GNAL: variants seen among roughly 807,000 people sequenced by gnomAD.
GNAL encodes guanine nucleotide-binding protein G(olf) subunit alpha.
Under a neutral mutation model 55.1 loss-of-function variants are expected in GNAL, and 18 were observed. The observed-to-expected ratio is 0.33, with a 90% CI of 0.23 to 0.48. GNAL has a LOEUF of 0.48. Ranked by LOEUF, GNAL falls within the 20% of genes least tolerant of loss-of-function variation. The probability of loss-of-function intolerance (pLI) is 0.99; values close to 1 mark genes in which losing one functional copy is unlikely to be tolerated. For synonymous variants in GNAL, 253 were observed against 237.0 expected (o/e 1.07, Z -0.62); for missense variants, 412 against 614.1 (o/e 0.67, Z 3.48).
At position 11,751,397 on chromosome 18, in the gene GNAL, G is replaced by GCACT. The variant is rs1185438457; in HGVS notation, c.377-1455_377-1452dup. 4.2e-6 allele frequency: 2 copies of GCACT among 473,632 alleles called. No individual in the cohort carries two copies. The highest frequency in any genetic ancestry group is 5.5e-6 in the Non-Finnish European group (2 of 361,908). The allele number at this position is 473,632 out of a possible 1,614,324, so 29.3% of individuals were successfully genotyped here. A position where few individuals can be genotyped will look rare whatever the true frequency, so the allele number is the denominator to read the frequency against. On this transcript the variant is annotated intron_variant, in intron 1 of 11. Transcript: ENST00000334049. The surrounding 1 kb of genome is among the most constrained non-coding windows in gnomAD (Gnocchi z 4.5). ...GGAAGAGTTGTTGTGCTGCTTGGGA[G>GCACT]CACTGCACAGGAGAAACGGGGGCTG...
chr18:11,749,980 T>A (rs1200537386), intron 1 of GNAL, among the ~76,000 whole-genome samples: 1 of 152,140 alleles, frequency 6.6e-6, no homozygotes, highest in Non-Finnish European at 1.5e-5. Context: ...GGATTTGTAT[T>A]ATCGCAGTGG....
rs1445588350 is a variant in GNAL at position 11,884,320 on chromosome 18, T to C, written c.*3185T>C. ...ATTTTGCAGTTACTCATTTCAGTGATTGAGAATTTCTGTGCTGTGCAGAGA... is the reference window on the plus strand; with the variant it reads ...ATTTTGCAGTTACTCATTTCAGTGACTGAGAATTTCTGTGCTGTGCAGAGA... On this transcript the variant is annotated 3_prime_UTR_variant, in exon 12 of 12. Transcript: ENST00000334049. 9.0e-6 allele frequency: 8 copies of C among 885,468 alleles called. No homozygotes were observed. In the African/African-American group the frequency reaches 1.2e-4, roughly 13 times the overall value. 54.9% of individuals were successfully genotyped at this position (885,468 alleles called of 1,614,324 possible).
At chr18:11,726,631 G>T (rs897324012) in intron 1 of GNAL, among the ~76,000 whole-genome samples, 2 of 152,078 alleles carry the variant, frequency 1.3e-5, no homozygotes, top group South Asian at 4.2e-4. Flanking sequence ...CTGGACGGTG[G>T]GTCCTTCTTT....
intron 4 of GNAL, among the ~76,000 whole-genome samples, chr18:11,794,188 T>C (rs1029903144): frequency 7.9e-5 from 12 of 152,212 alleles, no homozygotes; most frequent in African/African-American, 2.9e-4. Flanking sequence ...GAAAACAGTT[T>C]GGTTGTTTCT....
At chr18:11,790,407 T>C (rs1037446686) in intron 4 of GNAL, among the ~76,000 whole-genome samples, 2 of 152,174 alleles carry the variant, frequency 1.3e-5, no homozygotes, top group African/African-American at 2.4e-5. Context: ...CAATGTGTCC[T>C]TGGGGATGTG....
At chr18:11,698,880 G>GTGTC (rs1247247776) in intron 1 of GNAL, among the ~76,000 whole-genome samples, 1 of 152,172 alleles carries the variant, frequency 6.6e-6, no homozygotes, top group Non-Finnish European at 1.5e-5. Flanking sequence ...TCAGACTAAT[G>GTGTC]TGTCATTTAG....
intron 1 of GNAL, among the ~76,000 whole-genome samples, chr18:11,696,346 C>CA (rs11288353): frequency 1.1e-4 from 17 of 150,878 alleles, no homozygotes; most frequent in Admixed American, 5.3e-4. Flanking sequence ...ACTAAAAATA[C>CA]AAAAAAAAAT....
chr18:11,724,009 T>C (rs75177375), intron 1 of GNAL, among the ~76,000 whole-genome samples: 3,191 of 152,332 alleles, frequency 0.021, 61 homozygotes, highest in Middle Eastern at 0.048. Flanking sequence ...GAGCCTATTA[T>C]AGTCATTTCC....
At chr18:11,787,435 A>G (rs2034090410) in intron 4 of GNAL, among the ~76,000 whole-genome samples, 1 of 152,246 alleles carries the variant, frequency 6.6e-6, no homozygotes, top group Non-Finnish European at 1.5e-5. Context: ...CATTTACAGT[A>G]CTATCATAAT....
Position 11,752,839 on chromosome 18 carries a change from C to G in GNAL, c.377-14C>G. Reference sequence around the variant, plus strand: ...CCGGACACAGATCACAGCGTTCTTTCTGTTTGTTTGCAGGGGCTGGTGAGT... The same window carrying G: ...CCGGACACAGATCACAGCGTTCTTTGTGTTTGTTTGCAGGGGCTGGTGAGT... On this transcript the variant is annotated splice_polypyrimidine_tract_variant and intron_variant, in intron 1 of 11. Coordinates refer to ENST00000334049, the MANE Select transcript of GNAL (RefSeq NM_182978.4). This position sits in a 1 kb window ranked among gnomAD's most constrained non-coding sequence, Gnocchi z 4.5. 1 of 1,586,806 alleles carries G rather than the reference C, an allele frequency of 6.3e-7. No individual in the cohort carries two copies. The highest frequency in any genetic ancestry group is 8.7e-7 in the Non-Finnish European group (1 of 1,155,416).
intron 5 of GNAL, among the ~76,000 whole-genome samples, chr18:11,831,769 C>T (rs982255003): frequency 2.6e-5 from 4 of 152,236 alleles, no homozygotes; most frequent in African/African-American, 7.2e-5. Context: ...AGCCTTGTCC[C>T]GTCAAACAGG....
At position 11,824,914 on chromosome 18, in the gene GNAL, T is replaced by G. The variant is rs776380620; in HGVS notation, c.625-4T>G. The G allele has an allele frequency of 1.3e-6, 2 of 1,515,868 alleles. No homozygotes were observed. Among genetic ancestry groups the G allele is most frequent in the East Asian group, 2.3e-5 (1 of 44,378 alleles). 93.9% of individuals were successfully genotyped at this position (1,515,868 alleles called of 1,614,324 possible). A position where few individuals can be genotyped will look rare whatever the true frequency, so the allele number is the denominator to read the frequency against. The stretch of plus-strand genomic sequence containing the variant: ...TTTTAATTTGTAACTCTTTCAAACT[T>G]TAGGAATTCTTTGACCATGTGAAAA... On this transcript the variant is annotated splice_polypyrimidine_tract_variant and splice_region_variant and intron_variant, in intron 4 of 11. Coordinates refer to ENST00000334049, the MANE Select transcript of GNAL (RefSeq NM_182978.4).
At chr18:11,876,175 G>C (rs977739131) in intron 10 of GNAL, among the ~76,000 whole-genome samples, 1 of 152,204 alleles carries the variant, frequency 6.6e-6, no homozygotes, top group Non-Finnish European at 1.5e-5. Flanking sequence ...TAGGAGAAGA[G>C]GGCAATGAAA....
At chr18:11,710,968 C>T (rs755694677) in intron 1 of GNAL, among the ~76,000 whole-genome samples, 17 of 151,330 alleles carry the variant, frequency 1.1e-4, no homozygotes, top group Non-Finnish European at 1.9e-4. Flanking sequence ...CCCCACCTCC[C>T]GGGTTCACAC....
intron 1 of GNAL, among the ~76,000 whole-genome samples, chr18:11,692,999 A>T (rs999010925): frequency 2.0e-5 from 3 of 152,100 alleles, no homozygotes; most frequent in African/African-American, 7.2e-5. Flanking sequence ...AAATGCATCA[A>T]ATTAAAATAA....
intron 5 of GNAL, among the ~76,000 whole-genome samples, chr18:11,834,494 A>G (rs933842416): frequency 1.3e-5 from 2 of 151,974 alleles, no homozygotes; most frequent in Non-Finnish European, 2.9e-5. Flanking sequence ...CCAAGGTGGG[A>G]GGATTGCTTG....
chr18:11,800,947 A>C (rs2034506296), intron 4 of GNAL, among the ~76,000 whole-genome samples: 1 of 152,218 alleles, frequency 6.6e-6, no homozygotes, highest in African/African-American at 2.4e-5. Flanking sequence ...ACACAAACCC[A>C]ATTCCCATCA....
In GNAL at chr18:11,722,063, T is replaced by C. The variant is rs115467083; in HGVS notation, c.377-30790T>C. ...TGAGCATCATCGGTGTTAACATCAC[T>C]AGCCAAGGAAAGCCACTCAGAATCA... is the stretch of plus-strand genomic sequence containing the variant. On this transcript the variant is annotated intron_variant, in intron 1 of 11. Coordinates refer to ENST00000334049, the MANE Select transcript of GNAL (RefSeq NM_182978.4). 1.8e-3 allele frequency among the ~76,000 whole-genome samples: 274 copies of C among 152,306 alleles called. 1 individual carries two copies. Among genetic ancestry groups the C allele is most frequent in the African/African-American group, 6.3e-3 (262 of 41,588 alleles).
chr18:11,779,995 T>C (rs2033886036), intron 4 of GNAL, among the ~76,000 whole-genome samples: 1 of 152,266 alleles, frequency 6.6e-6, no homozygotes, highest in Middle Eastern at 3.2e-3. Context: ...CATCATTTGC[T>C]GTTGATTGTG....
Sources: allele counts gnomAD v4.1 joint callset (sites outside exome capture counted in the v4.1 genomes callset), GRCh38; gene constraint gnomAD v4.1.1; non-coding constraint Gnocchi (gnomAD v3.1); transcripts MANE v1.5; gene names NCBI Gene and HGNC (gene_info 2026-07-23, HGNC 2026-07-21).